The following RPH3A variants were observed in gnomAD, a reference collection of about 807,000 sequenced individuals.
The protein encoded by RPH3A is rabphilin-3A.
RPH3A carries 48 observed loss-of-function variants against 102.2 expected under a neutral mutation model. The ratio of observed to expected loss-of-function variants is 0.47; its 90% CI spans 0.37 to 0.60. RPH3A has a LOEUF of 0.60. Among genes scored for constraint, RPH3A ranks in the 20% least tolerant of loss-of-function variants. The pLI is 0.00. For synonymous variants in RPH3A, 310 were observed against 324.3 expected (o/e 0.96, Z 0.47); for missense variants, 781 against 910.1 (o/e 0.86, Z 1.83).
At chr12:112,613,616 A>G (rs192298617) in intron 1 of RPH3A, among the ~76,000 whole-genome samples, 1 of 152,180 alleles carries the variant, frequency 6.6e-6, no homozygotes, top group South Asian at 2.1e-4. Flanking sequence ...CCTGGGCAAC[A>G]TAGTGAGACC....
At chr12:112,864,448 C>CAAAAAA (rs11324677) in intron 5 of RPH3A, among the ~76,000 whole-genome samples, 2 of 101,994 alleles carry the variant, frequency 2.0e-5, no homozygotes, top group African/African-American at 8.2e-5. Context: ...AAGACTCTGT[C>CAAAAAA]AAAAAAAAAA....
intron 1 of RPH3A, among the ~76,000 whole-genome samples, chr12:112,783,856 C>T (rs2041025989): frequency 6.6e-6 from 1 of 152,138 alleles, no homozygotes; most frequent in Non-Finnish European, 1.5e-5. Context: ...GCCAGCATTT[C>T]CTCTGCTCCC....
intron 2 of RPH3A, among the ~76,000 whole-genome samples, chr12:112,824,316 T>C (rs1168027129): frequency 1.3e-5 from 2 of 152,190 alleles, no homozygotes; most frequent in Non-Finnish European, 2.9e-5. Flanking sequence ...CTGGTATCTC[T>C]GGGCAAAGCA....
intron 1 of RPH3A, among the ~76,000 whole-genome samples, chr12:112,721,227 A>G (rs1471299901): frequency 6.6e-6 from 1 of 152,178 alleles, no homozygotes; most frequent in Non-Finnish European, 1.5e-5. Flanking sequence ...TATGAACTAG[A>G]CATCTACTCT....
At chr12:112,600,752 C>T (rs561944441) in intron 1 of RPH3A, among the ~76,000 whole-genome samples, 1 of 152,288 alleles carries the variant, frequency 6.6e-6, no homozygotes, top group African/African-American at 2.4e-5. Flanking sequence ...ACATTTTGGG[C>T]TATATTTACA....
intron 1 of RPH3A, among the ~76,000 whole-genome samples, chr12:112,618,734 A>G (rs935713622): frequency 6.6e-6 from 1 of 152,222 alleles, no homozygotes; most frequent in African/African-American, 2.4e-5. Context: ...CAATTTGTCC[A>G]TGTAAAGCGA....
rs113243280 is a variant in RPH3A, at chr12:112,865,785, A to G, written c.360+242A>G. On this transcript the variant is annotated intron_variant, in intron 6 of 21. Coordinates refer to ENST00000389385, the MANE Select transcript of RPH3A (RefSeq NM_001143854.2). ...TGTCTCTTAGAGCTGAGCTCCATCC[A>G]GGGTGAACTAGGGAGCCTGTGGCAG... Among the ~76,000 whole-genome samples the G allele has an allele frequency of 5.0e-3, 747 of 149,126 alleles. 6 individuals are homozygous for G. The highest frequency in any genetic ancestry group is 8.5e-3 in the Non-Finnish European group (580 of 67,980).
chr12:112,850,903 T>G (rs2042311970), intron 5 of RPH3A: 2 of 152,190 alleles, frequency 1.3e-5, no homozygotes, highest in Admixed American at 1.3e-4. Context: ...TACAGTATTT[T>G]GGGGGTGTCT....
chr12:112,629,735 T>C (rs2039790971), intron 1 of RPH3A, among the ~76,000 whole-genome samples: 2 of 152,030 alleles, frequency 1.3e-5, no homozygotes, highest in Admixed American at 6.6e-5. Flanking sequence ...CCTGGGCCTT[T>C]CAATGTATTT....
At chr12:112,713,058 CTTCTTCTTCTT>C (rs2040488760) in intron 1 of RPH3A, among the ~76,000 whole-genome samples, 1 of 85,874 alleles carries the variant, frequency 1.2e-5, no homozygotes, top group Non-Finnish European at 2.8e-5. Context: ...TCTCCTTCTT[CTTCTTCTTCTT>C]CTTCTTCTTC....
chr12:112,749,359 G>A (rs775393592), intron 1 of RPH3A, among the ~76,000 whole-genome samples: 2 of 152,178 alleles, frequency 1.3e-5, no homozygotes, highest in Admixed American at 1.3e-4. Context: ...TGCTTCCCTG[G>A]GCTTGCATTA....
At chr12:112,659,709 A>C (rs1592930196) in intron 1 of RPH3A, among the ~76,000 whole-genome samples, 1 of 152,168 alleles carries the variant, frequency 6.6e-6, no homozygotes, top group Non-Finnish European at 1.5e-5. Context: ...CAATCAATCT[A>C]TCTATCCATC....
At chr12:112,772,676 G>A (rs966983662) in intron 1 of RPH3A, among the ~76,000 whole-genome samples, 1 of 152,040 alleles carries the variant, frequency 6.6e-6, no homozygotes, top group Non-Finnish European at 1.5e-5. Context: ...TAGTAGTATT[G>A]TCATTTGGGG....
chr12:112,632,689 T>G (rs2039815288), intron 1 of RPH3A, among the ~76,000 whole-genome samples: 1 of 152,186 alleles, frequency 6.6e-6, no homozygotes, highest in African/African-American at 2.4e-5. Context: ...TCAGGGGACA[T>G]GTGGCCATGC....
At chr12:112,736,819 C>A (rs1204552474) in intron 1 of RPH3A, among the ~76,000 whole-genome samples, 1 of 152,130 alleles carries the variant, frequency 6.6e-6, no homozygotes, top group African/African-American at 2.4e-5. Flanking sequence ...GTGGGGGAAT[C>A]TCTCTTGAGG....
intron 2 of RPH3A, among the ~76,000 whole-genome samples, chr12:112,817,523 A>G (rs934363204): frequency 1.3e-5 from 2 of 150,906 alleles, no homozygotes; most frequent in African/African-American, 4.9e-5. Context: ...TTTACAAAAT[A>G]TAAATCTTTT....
At chr12:112,875,270 A>G in intron 11 of RPH3A, 100 bp downstream of exon 11, 1 of 901,144 alleles carries the variant, frequency 1.1e-6, no homozygotes, top group Non-Finnish European at 1.7e-6. Flanking sequence ...GCTTTCTGCA[A>G]AGCTGCAGCC....
At chr12:112,710,449 G>A (rs2040452980) in intron 1 of RPH3A, among the ~76,000 whole-genome samples, 1 of 152,172 alleles carries the variant, frequency 6.6e-6, no homozygotes, top group African/African-American at 2.4e-5. Context: ...AAGTCAGGAG[G>A]CTGCTCCTTG....
intron 1 of RPH3A, among the ~76,000 whole-genome samples, chr12:112,691,772 ATT>A (rs915306950): frequency 1.3e-4 from 20 of 152,294 alleles, no homozygotes; most frequent in African/African-American, 4.6e-4. Flanking sequence ...GATAGATTTC[ATT>A]TTTGTCTGCC....
Sources: gnomAD v4.1 joint callset for allele counts (sites outside exome capture counted in the v4.1 genomes callset) on GRCh38, gnomAD v4.1.1 for gene constraint, MANE v1.5 for transcripts, NCBI Gene and HGNC (gene_info 2026-07-23, HGNC 2026-07-21) for gene names.